The following ZFP91 variants were observed in gnomAD, a reference collection of about 807,000 sequenced individuals.
The protein encoded by ZFP91 is ZFP91 zinc finger protein, atypical E3 ubiquitin ligase, also known as E3 ubiquitin-protein ligase ZFP91.
In ZFP91, 7 loss-of-function variants were observed where a neutral mutation model predicts 63.5. The observed-to-expected ratio is 0.11, with a 90% CI of 0.06 to 0.21. The LOEUF is 0.21. Among genes scored for constraint, ZFP91 ranks in the 10% least tolerant of loss-of-function variants. ZFP91 has a pLI of 1.00. For missense variants in ZFP91, 628 were observed against 736.6 expected (o/e 0.85, Z 1.71); for synonymous variants, 330 against 272.1 (o/e 1.21, Z -2.10).
At position 58,579,104 on chromosome 11, in the gene ZFP91, G is replaced by C; in HGVS notation, c.-178G>C. On this transcript the variant is annotated 5_prime_UTR_variant, in exon 1 of 11. Coordinates refer to ENST00000316059, the MANE Select transcript of ZFP91 (RefSeq NM_053023.5). The stretch of plus-strand genomic sequence containing the variant: ...CGCCGCCAGCGGTAGCGGACCTTGA[G>C]TGGCAGGGGGTGGGGGGGGCGCCCT... 1 of 467,816 alleles carries C rather than the reference G, an allele frequency of 2.1e-6. No individual in the cohort carries two copies. The highest frequency in any genetic ancestry group is 5.0e-5 in the South Asian group (1 of 19,882). 29.0% of individuals were successfully genotyped at this position (467,816 alleles called of 1,614,324 possible).
At chr11:58,590,352 T>G (rs1855283285) in intron 2 of ZFP91, among the ~76,000 whole-genome samples, 1 of 152,182 alleles carries the variant, frequency 6.6e-6, no homozygotes, top group African/African-American at 2.4e-5. Flanking sequence ...CATCTAAAAA[T>G]TTAGTGGCTT....
chr11:58,618,895 G>T lies in ZFP91; in HGVS notation c.*1189G>T. 4.4e-6 allele frequency: 1 copy of T among 229,836 alleles called. No homozygotes were observed. Among genetic ancestry groups the T allele is most frequent in the Non-Finnish European group, 8.8e-6 (1 of 113,866 alleles). 14.2% of individuals were successfully genotyped at this position (229,836 alleles called of 1,614,324 possible). Reference sequence around the variant, plus strand: ...TTAAGAATTTTGAGAGGGTGAGGAGGGTTGTTCAGAATCTAAATTACAGAT... The same window carrying T: ...TTAAGAATTTTGAGAGGGTGAGGAGTGTTGTTCAGAATCTAAATTACAGAT... On this transcript the variant is annotated 3_prime_UTR_variant, in exon 11 of 11. Coordinates refer to ENST00000316059, the MANE Select transcript of ZFP91 (RefSeq NM_053023.5).
rs562726758 is a variant in ZFP91 at position 58,618,175 on chromosome 11, G to A, written c.*469G>A. On this transcript the variant is annotated 3_prime_UTR_variant, in exon 11 of 11. Transcript: ENST00000316059. ...GGCACACTTATCTTCAAATACCATA[G>A]AATTCTAATCTCTGGAGGCTGGCAG... 6.3e-6 allele frequency: 1 copy of A among 157,964 alleles called. No individual in the cohort carries two copies. Among genetic ancestry groups the A allele is most frequent in the Non-Finnish European group, 1.4e-5 (1 of 71,846 alleles). The allele number at this position is 157,964 out of a possible 1,614,324, so 9.8% of individuals were successfully genotyped here.
chr11:58,611,596 G>A lies in ZFP91; in HGVS notation c.723-8G>A. Reference sequence around the variant, plus strand: ...TTGTCTAGTATTGAAATGCATTTGTGTTTTCAGGGAAACCCCAAAGCCACG... The same window carrying A: ...TTGTCTAGTATTGAAATGCATTTGTATTTTCAGGGAAACCCCAAAGCCACG... On this transcript the variant is annotated splice_polypyrimidine_tract_variant and splice_region_variant and intron_variant, in intron 5 of 10. Transcript: ENST00000316059. The A allele has an allele frequency of 6.2e-7, 1 of 1,610,326 alleles. No individual in the cohort carries two copies. The highest frequency in any genetic ancestry group is 8.5e-7 in the Non-Finnish European group (1 of 1,178,258).
intron 2 of ZFP91, among the ~76,000 whole-genome samples, chr11:58,609,190 C>T (rs1213128596): frequency 6.6e-6 from 1 of 152,184 alleles, no homozygotes; most frequent in East Asian, 1.9e-4. Context: ...TACCGTACTT[C>T]ACCCTTAAAA....
intron 4 of ZFP91, 47 bp from the exon 5 acceptor site, chr11:58,610,903 A>ATTT: frequency 6.4e-7 from 1 of 1,563,996 alleles, no homozygotes; most frequent in Non-Finnish European, 8.7e-7. Context: ...CCCCTCAGAC[A>ATTT]TGTTCGCTAC....
Position 58,621,335 on chromosome 11 carries a change from G to A in ZFP91, c.*3629G>A, listed in dbSNP as rs1382653592. Among the ~76,000 whole-genome samples, 1 of 152,068 alleles carries A rather than the reference G, an allele frequency of 6.6e-6. No individual in the cohort carries two copies. The highest frequency in any genetic ancestry group is 1.5e-5 in the Non-Finnish European group (1 of 68,010). On this transcript the variant is annotated 3_prime_UTR_variant, in exon 11 of 11. Coordinates refer to ENST00000316059, the MANE Select transcript of ZFP91 (RefSeq NM_053023.5). Reference sequence around the variant, plus strand: ...GATGGAAAATTAAGGATTATGTGAGGTTAATTTTACCCTGATAATGACAAA... The same window carrying A: ...GATGGAAAATTAAGGATTATGTGAGATTAATTTTACCCTGATAATGACAAA...
At position 58,620,372 on chromosome 11, in the gene ZFP91, A is replaced by C. The variant is rs1590634456; in HGVS notation, c.*2666A>C. The C allele has an allele frequency of 1.3e-5, 2 of 152,128 alleles. No individual in the cohort carries two copies. The highest frequency in any genetic ancestry group is 4.8e-5 in the African/African-American group (2 of 41,412). The allele number at this position is 152,128 out of a possible 1,614,324, so 9.4% of individuals were successfully genotyped here. ...TTAAAGTTCTACATTTCATGCTCTT[A>C]GTCAAATTCTGTTACCTTTTTAATA... On this transcript the variant is annotated 3_prime_UTR_variant, in exon 11 of 11. Transcript: ENST00000316059.
At chr11:58,597,878 T>G (rs538009196) in intron 2 of ZFP91, among the ~76,000 whole-genome samples, 2 of 152,300 alleles carry the variant, frequency 1.3e-5, no homozygotes, top group African/African-American at 4.8e-5. Flanking sequence ...TTTCTCTGCT[T>G]CTTGGAAGCA....
intron 2 of ZFP91, among the ~76,000 whole-genome samples, chr11:58,590,507 C>A (rs955401438): frequency 2.0e-5 from 3 of 152,098 alleles, no homozygotes; most frequent in Non-Finnish European, 4.4e-5. Context: ...CTTGAAACCA[C>A]CCCCACAGTA....
chr11:58,617,362 C>A lies in ZFP91; in HGVS notation c.1369C>A (p.Leu457Met). Residue 457 changes from leucine to methionine, a missense_variant, in exon 11 of 11, where the codon CTG becomes ATG. Physicochemically the swap from Leu to Met is conservative, Grantham distance 15. Transcript: ENST00000316059. This position sits in a 1 kb window ranked among gnomAD's most constrained non-coding sequence, Gnocchi z 4.2. ...AHKAKSHPEVLIAEALAANAG... is the reference protein window; with the variant it reads ...AHKAKSHPEVMIAEALAANAG... ...CAAGGCAAAAAGCCACCCTGAGGTGCTGATTGCAGAAGCTCTGGCTGCCAA... is the reference window on the plus strand; with the variant it reads ...CAAGGCAAAAAGCCACCCTGAGGTGATGATTGCAGAAGCTCTGGCTGCCAA... The A allele has an allele frequency of 3.1e-6, 5 of 1,613,880 alleles. No individual in the cohort carries two copies. The highest frequency in any genetic ancestry group is 4.2e-6 in the Non-Finnish European group (5 of 1,179,906).
chr11:58,608,320 A>G (rs1797570241), intron 2 of ZFP91, among the ~76,000 whole-genome samples: 1 of 151,974 alleles, frequency 6.6e-6, no homozygotes, highest in Non-Finnish European at 1.5e-5. Context: ...TTAATCATTT[A>G]TAAATATGAT....
In ZFP91 at chr11:58,617,505, T is replaced by C. The variant is rs1855768863; in HGVS notation, c.1512T>C (p.Ser504=). 6.2e-7 allele frequency: 1 copy of C among 1,614,116 alleles called. No individual in the cohort carries two copies. Among genetic ancestry groups the C allele is most frequent in the Non-Finnish European group, 8.5e-7 (1 of 1,180,002 alleles). Residue 504 remains serine, a synonymous_variant, in exon 11 of 11, where the codon TCT becomes TCC. Transcript: ENST00000316059. The surrounding 1 kb of genome is among the most constrained non-coding windows in gnomAD (Gnocchi z 4.2). ...CTGAGCCCTTGGGAAACTCAACCTC[T>C]GGAGAGTGCCTACTGTTAGAAGCTG... is the stretch of plus-strand genomic sequence containing the variant. ...LLPEPLGNST[S]GECLLLEAEG...
At chr11:58,612,159 C>A in intron 6 of ZFP91, 119 bp from the exon 7 acceptor site, 1 of 991,746 alleles carries the variant, frequency 1.0e-6, no homozygotes, top group Non-Finnish European at 1.5e-6. Flanking sequence ...TTTATGTATT[C>A]TTGGTTATCC....
At chr11:58,604,740 T>A (rs1855543927) in intron 2 of ZFP91, among the ~76,000 whole-genome samples, 1 of 152,226 alleles carries the variant, frequency 6.6e-6, no homozygotes, top group Admixed American at 6.5e-5. Context: ...AGTTCTTTTT[T>A]AAATTTTTTT....
chr11:58,590,028 A>G (rs1855278237), intron 2 of ZFP91, among the ~76,000 whole-genome samples: 2 of 152,204 alleles, frequency 1.3e-5, no homozygotes, highest in African/African-American at 4.8e-5. Flanking sequence ...ATTATTTTAC[A>G]TTGAGATCCC....
chr11:58,588,050 G>A (rs761649523), intron 2 of ZFP91, among the ~76,000 whole-genome samples: 2 of 152,018 alleles, frequency 1.3e-5, no homozygotes, highest in African/African-American at 2.4e-5. Context: ...ATTTTGCAGC[G>A]ATTACCTAAC....
chr11:58,610,494 G>T (rs1855641954), intron 4 of ZFP91, among the ~76,000 whole-genome samples, 160 bp downstream of exon 4: 2 of 152,290 alleles, frequency 1.3e-5, no homozygotes, highest in Non-Finnish European at 1.5e-5. Flanking sequence ...AGCTTGATTA[G>T]AACTTAAACC....
chr11:58,588,452 T>G (rs1186645847), intron 2 of ZFP91, among the ~76,000 whole-genome samples: 2 of 152,174 alleles, frequency 1.3e-5, no homozygotes, highest in Non-Finnish European at 2.9e-5. Flanking sequence ...CTGGATGACA[T>G]CCTCAGTTTT....
Sources: gnomAD v4.1 joint callset for allele counts (sites outside exome capture counted in the v4.1 genomes callset) on GRCh38, gnomAD v4.1.1 for gene constraint, Gnocchi (gnomAD v3.1) non-coding constraint, MANE v1.5 for transcripts, NCBI Gene and HGNC (gene_info 2026-07-23, HGNC 2026-07-21) for gene names.